Variants in ERBB4 observed in about 807,000 individuals in gnomAD.
ERBB4 encodes the protein erb-b2 receptor tyrosine kinase 4.
In ERBB4, 42 loss-of-function variants were observed where a neutral mutation model predicts 158.0. That is an observed-to-expected ratio of 0.27 (90% CI 0.21 to 0.34). ERBB4 has a LOEUF of 0.34. ERBB4 is among the 10% of genes least tolerant of loss of function. The probability of loss-of-function intolerance (pLI) is 1.00; values close to 1 mark genes in which losing one functional copy is unlikely to be tolerated. For missense variants in ERBB4, 1,333 were observed against 1,624.1 expected, an observed-to-expected ratio of 0.82 and a Z score of 3.08; for synonymous variants, 583 against 558.7, an observed-to-expected ratio of 1.04 and a Z score of -0.61.
intron 25 of ERBB4, among the ~76,000 whole-genome samples, chr2:211,415,784 ACTT>A (rs1265194871): frequency 1.3e-5 from 2 of 152,130 alleles, no homozygotes; most frequent in African/African-American, 4.8e-5. Flanking sequence ...GAGATACCAA[ACTT>A]CTTTAATTTT....
intron 1 of ERBB4, among the ~76,000 whole-genome samples, chr2:212,454,684 AT>A (rs1688188376): frequency 6.6e-6 from 1 of 152,196 alleles, no homozygotes. Context: ...AATCTATTAA[AT>A]TTATATTTCC....
At chr2:212,406,830 T>C (rs2091358741) in intron 1 of ERBB4, among the ~76,000 whole-genome samples, 1 of 152,084 alleles carries the variant, frequency 6.6e-6, no homozygotes, top group African/African-American at 2.4e-5. Context: ...TAGTACAAGA[T>C]ACAAATGTCT....
intron 16 of ERBB4, among the ~76,000 whole-genome samples, chr2:211,652,663 T>G (rs553649018): frequency 1.0e-3 from 158 of 152,178 alleles, no homozygotes; most frequent in Non-Finnish European, 1.8e-3. Flanking sequence ...CATTAAAATG[T>G]GACAAGAATA....
chr2:212,214,512 G>A (rs182556665), intron 1 of ERBB4, among the ~76,000 whole-genome samples: 7 of 151,778 alleles, frequency 4.6e-5, no homozygotes, highest in Admixed American at 4.6e-4. Context: ...ATTACATAAA[G>A]AGTGCTATAT....
intron 1 of ERBB4, among the ~76,000 whole-genome samples, chr2:212,243,069 T>C (rs1484953451): frequency 6.6e-6 from 1 of 152,186 alleles, no homozygotes; most frequent in Non-Finnish European, 1.5e-5. Context: ...CCTAGAGAGC[T>C]CAAGTTGACA....
At chr2:211,817,554 G>A (rs2076905389) in intron 3 of ERBB4, among the ~76,000 whole-genome samples, 1 of 152,110 alleles carries the variant, frequency 6.6e-6, no homozygotes, top group Non-Finnish European at 1.5e-5. Context: ...CTTTGATGCT[G>A]TGGCAGGGAT....
intron 1 of ERBB4, among the ~76,000 whole-genome samples, chr2:212,286,767 ATTTTTTTTT>A (rs748586400): frequency 7.6e-5 from 3 of 39,560 alleles, no homozygotes; most frequent in African/African-American, 3.3e-4. Flanking sequence ...ATGAGGGTTA[ATTTTTTTTT>A]TTTTTTTTTT....
intron 3 of ERBB4, among the ~76,000 whole-genome samples, chr2:211,901,960 T>C (rs1003725075): frequency 3.9e-5 from 6 of 152,258 alleles, no homozygotes; most frequent in Middle Eastern, 3.4e-3. Context: ...TTATAAATTA[T>C]GTACCACTTT....
intron 25 of ERBB4, among the ~76,000 whole-genome samples, chr2:211,401,500 A>G (rs1014406293): frequency 6.6e-6 from 1 of 152,074 alleles, no homozygotes; most frequent in Non-Finnish European, 1.5e-5. Context: ...TCCGTGCTGA[A>G]TGTATGCTTC....
At chr2:211,421,082 C>A (rs1203531703) in intron 24 of ERBB4, among the ~76,000 whole-genome samples, 1 of 151,872 alleles carries the variant, frequency 6.6e-6, no homozygotes, top group African/African-American at 2.4e-5. Context: ...TAGGGGCATT[C>A]AAAACTCACA....
At chr2:212,013,190 A>G (rs2076432676) in intron 2 of ERBB4, among the ~76,000 whole-genome samples, 1 of 151,730 alleles carries the variant, frequency 6.6e-6, no homozygotes, top group South Asian at 2.1e-4. Context: ...TCAAGTAGCT[A>G]GGGCTACAGG....
intron 1 of ERBB4, among the ~76,000 whole-genome samples, chr2:212,169,276 T>C (rs1397352359): frequency 1.3e-5 from 2 of 152,054 alleles, no homozygotes; most frequent in Non-Finnish European, 2.9e-5. Flanking sequence ...TGCCTACTTA[T>C]CAACAGAAAA....
chr2:212,296,442 A>G (rs1378600695), intron 1 of ERBB4, among the ~76,000 whole-genome samples: 5 of 152,006 alleles, frequency 3.3e-5, no homozygotes, highest in Non-Finnish European at 7.4e-5. Context: ...AGTGTCATAT[A>G]TAACAGTTCT....
At chr2:212,337,613 G>A (rs540927533) in intron 1 of ERBB4, among the ~76,000 whole-genome samples, 1 of 152,046 alleles carries the variant, frequency 6.6e-6, no homozygotes, top group South Asian at 2.1e-4. Flanking sequence ...GTCACATTCT[G>A]TATGTCTGGA....
At chr2:211,397,821 TC>T (rs1273294785) in intron 25 of ERBB4, among the ~76,000 whole-genome samples, 1 of 152,142 alleles carries the variant, frequency 6.6e-6, no homozygotes, top group Non-Finnish European at 1.5e-5. Context: ...TCCAAAAACA[TC>T]CTCAATTATC....
chr2:212,147,774 G>A (rs1036897403), intron 1 of ERBB4, among the ~76,000 whole-genome samples: 2 of 152,100 alleles, frequency 1.3e-5, no homozygotes, highest in Non-Finnish European at 2.9e-5. Context: ...TTGTTTTGCT[G>A]TCATTATCTG....
rs567350822 is a variant in ERBB4 at position 211,965,790 on chromosome 2, CTT to C, written c.235-18176_235-18175del. 1.2e-4 allele frequency among the ~76,000 whole-genome samples: 19 copies of C among 152,224 alleles called. No homozygotes were observed. The East Asian group carries it at 3.7e-3, about 29-fold the overall frequency. On this transcript the variant is annotated intron_variant, in intron 2 of 27. Coordinates refer to ENST00000342788, the MANE Select transcript of ERBB4 (RefSeq NM_005235.3). ...ATTGATTTCTATATATTTCTATAAACTTAAAGTTATATAATGCTTTACCTTTA... is the reference window on the plus strand; with the variant it reads ...ATTGATTTCTATATATTTCTATAAACAAAGTTATATAATGCTTTACCTTTA...
chr2:211,515,912 A>ATATATATATATATATATATAT (rs35696520), intron 20 of ERBB4, among the ~76,000 whole-genome samples: 84 of 78,966 alleles, frequency 1.1e-3, no homozygotes, highest in Non-Finnish European at 1.8e-3. Context: ...ATATATATAT[A>ATATATATATATATATATATAT]TTTTTTTTTT....
chr2:211,850,483 G>C (rs997859071), intron 3 of ERBB4, among the ~76,000 whole-genome samples: 3 of 151,920 alleles, frequency 2.0e-5, no homozygotes, highest in African/African-American at 7.2e-5. Context: ...AAGGTAATTA[G>C]ATATGATCTC....
Sources: gnomAD v4.1 joint callset for allele counts (sites outside exome capture counted in the v4.1 genomes callset) on GRCh38, gnomAD v4.1.1 for gene constraint, MANE v1.5 for transcripts, NCBI Gene and HGNC (gene_info 2026-07-23, HGNC 2026-07-21) for gene names.